SETD2: variants seen among roughly 807,000 people sequenced by gnomAD.
The protein encoded by SETD2 is histone-lysine N-methyltransferase SETD2.
SETD2 carries 31 observed loss-of-function variants against 242.1 expected under a neutral mutation model. That is an observed-to-expected ratio of 0.13 (90% CI 0.10 to 0.17). The LOEUF is 0.17. Ranked by LOEUF, SETD2 falls within the 10% of genes least tolerant of loss-of-function variation. The pLI, the probability that SETD2 is intolerant of heterozygous loss-of-function variation, is 1.00. For synonymous variants in SETD2, 1,006 were observed against 1,066.5 expected, an observed-to-expected ratio of 0.94 and a Z score of 1.11; for missense variants, 2,481 against 3,046.3, an observed-to-expected ratio of 0.81 and a Z score of 4.37.
intron 19 of SETD2, among the ~76,000 whole-genome samples, chr3:47,018,581 C>T (rs1395225531): frequency 6.6e-6 from 1 of 152,170 alleles, no homozygotes; most frequent in Admixed American, 6.5e-5. Context: ...ACAAAGGGAC[C>T]ATAAGAAACT....
At chr3:47,163,106 G>A (rs748490349) in intron 1 of SETD2, among the ~76,000 whole-genome samples, 1 of 152,188 alleles carries the variant, frequency 6.6e-6, no homozygotes, top group East Asian at 1.9e-4. Flanking sequence ...CTCACAACCT[G>A]CAAGAAAATG....
intron 1 of SETD2, among the ~76,000 whole-genome samples, chr3:47,137,858 AT>A (rs1211874438): frequency 5.5e-5 from 8 of 144,280 alleles, no homozygotes; most frequent in African/African-American, 7.7e-5. Flanking sequence ...AGCTAATTTT[AT>A]TTTTTTTTTA....
intron 9 of SETD2, among the ~76,000 whole-genome samples, chr3:47,095,942 G>T (rs1049993349): frequency 6.6e-6 from 1 of 151,862 alleles, no homozygotes; most frequent in Non-Finnish European, 1.5e-5. Flanking sequence ...TTTTAATAGA[G>T]ATGAGGTCTC....
intron 1 of SETD2, among the ~76,000 whole-genome samples, chr3:47,148,826 C>A (rs115392774): frequency 0.033 from 4,974 of 152,236 alleles, 238 homozygotes; most frequent in East Asian, 0.13. Context: ...CTTTGGGAGG[C>A]TGAGGCGGGA....
At chr3:47,093,095 C>T (rs1460437523) in intron 9 of SETD2, among the ~76,000 whole-genome samples, 6 of 152,026 alleles carry the variant, frequency 3.9e-5, no homozygotes, top group African/African-American at 1.2e-4. Context: ...TTCTGGGATA[C>T]ATGTGCAAGA....
At chr3:47,077,762 G>C (rs1173245236) in intron 12 of SETD2, among the ~76,000 whole-genome samples, 1 of 152,152 alleles carries the variant, frequency 6.6e-6, no homozygotes, top group Non-Finnish European at 1.5e-5. Context: ...CTGGGGAAGG[G>C]ACAGTACAAG....
intron 19 of SETD2, 78 bp downstream of exon 19, chr3:47,019,682 C>T (rs1361137741): frequency 2.4e-6 from 3 of 1,226,780 alleles, no homozygotes; most frequent in African/African-American, 1.5e-5. Flanking sequence ...AGGAGATATT[C>T]GACATACTTA....
chr3:47,100,598 A>T (rs2042171696), intron 8 of SETD2, among the ~76,000 whole-genome samples: 1 of 152,162 alleles, frequency 6.6e-6, no homozygotes, highest in African/African-American at 2.4e-5. Flanking sequence ...GGGATTTTAC[A>T]TAATGTGCTT....
chr3:47,101,633 T>TGTGTGC (rs1553694870), intron 7 of SETD2, 78 bp from the exon 8 acceptor site: 133 of 670,378 alleles, frequency 2.0e-4, no homozygotes, highest in African/African-American at 1.8e-3. Flanking sequence ...TGTGTGTGTG[T>TGTGTGC]GCGCATATAT....
At chr3:47,130,485 C>T (rs897243960) in intron 1 of SETD2, among the ~76,000 whole-genome samples, 1 of 152,076 alleles carries the variant, frequency 6.6e-6, no homozygotes, top group African/African-American at 2.4e-5. Context: ...GAAGGCAGGA[C>T]CTTTTTGAAG....
intron 14 of SETD2, among the ~76,000 whole-genome samples, chr3:47,058,131 AAT>A (rs1259085843): frequency 6.6e-6 from 1 of 152,166 alleles, no homozygotes; most frequent in East Asian, 1.9e-4. Context: ...CTGAAGAATA[AAT>A]AGAGTCAGAA....
At chr3:47,133,651 T>G (rs1575831863) in intron 1 of SETD2, among the ~76,000 whole-genome samples, 1 of 152,104 alleles carries the variant, frequency 6.6e-6, no homozygotes. Flanking sequence ...GAGATTCGCT[T>G]GAACCCAGGA....
intron 15 of SETD2, among the ~76,000 whole-genome samples, chr3:47,053,055 A>G (rs897795158): frequency 6.6e-6 from 1 of 151,690 alleles, no homozygotes; most frequent in Non-Finnish European, 1.5e-5. Context: ...ATGCCCAGCT[A>G]ATTTTTGTAT....
intron 1 of SETD2, among the ~76,000 whole-genome samples, chr3:47,156,729 G>T (rs1429251305): frequency 6.6e-6 from 1 of 152,084 alleles, no homozygotes; most frequent in Non-Finnish European, 1.5e-5. Flanking sequence ...CAGAAAAATG[G>T]ATTCAACTGT....
Position 47,017,517 on chromosome 3 carries a change from C to T in SETD2, c.7533+121G>A, listed in dbSNP as rs2038033913. 1 of 789,920 alleles carries T rather than the reference C, an allele frequency of 1.3e-6. No homozygotes were observed. The highest frequency in any genetic ancestry group is 2.1e-6 in the Non-Finnish European group (1 of 481,020). The allele number at this position is 789,920 out of a possible 1,614,324, so 48.9% of individuals were successfully genotyped here. On this transcript the variant is annotated intron_variant, in intron 20 of 20. Coordinates refer to ENST00000409792, the MANE Select transcript of SETD2 (RefSeq NM_014159.7). The surrounding 1 kb of genome is among the most constrained non-coding windows in gnomAD (Gnocchi z 4.8). ...AAACCTTCCCTCCCCGTTCCTGGGT[C>T]CCCAGCTCTGACATCTGACAAGAAA...
At chr3:47,114,987 T>C (rs2042801467) in intron 4 of SETD2, among the ~76,000 whole-genome samples, 2 of 151,378 alleles carry the variant, frequency 1.3e-5, no homozygotes, top group South Asian at 4.2e-4. Flanking sequence ...GGTCAAAGGA[T>C]GAAGGATTTG....
intron 1 of SETD2, among the ~76,000 whole-genome samples, chr3:47,132,293 G>T (rs1039470178): frequency 6.6e-6 from 1 of 151,814 alleles, no homozygotes; most frequent in Non-Finnish European, 1.5e-5. Context: ...CCACTGCACC[G>T]GGCTAATATT....
chr3:47,088,753 C>T (rs918987389), intron 9 of SETD2, among the ~76,000 whole-genome samples: 10 of 151,854 alleles, frequency 6.6e-5, no homozygotes, highest in Non-Finnish European at 1.0e-4. Flanking sequence ...TGATAGGGGC[C>T]GGGTGCTTCA....
At chr3:47,062,874 T>C (rs1357070822) in intron 13 of SETD2, among the ~76,000 whole-genome samples, 11 of 151,964 alleles carry the variant, frequency 7.2e-5, no homozygotes, top group Admixed American at 7.2e-4. Flanking sequence ...GCCCAGGAGT[T>C]CAAGGCAGCA....
Sources: gnomAD v4.1 joint callset for allele counts (sites outside exome capture counted in the v4.1 genomes callset) on GRCh38, gnomAD v4.1.1 for gene constraint, Gnocchi (gnomAD v3.1) non-coding constraint, MANE v1.5 for transcripts, NCBI Gene and HGNC (gene_info 2026-07-23, HGNC 2026-07-21) for gene names.